Variants in CDH7 observed in about 807,000 individuals in gnomAD.
CDH7 encodes the protein cadherin 7.
Under a neutral mutation model 71.8 loss-of-function variants are expected in CDH7, and 25 were observed. That is an observed-to-expected ratio of 0.35 (90% CI 0.25 to 0.49). CDH7 has a LOEUF of 0.49. Among genes scored for constraint, CDH7 ranks in the 20% least tolerant of loss-of-function variants. The probability of loss-of-function intolerance (pLI) is 0.99; values close to 1 mark genes in which losing one functional copy is unlikely to be tolerated. For missense variants in CDH7, 862 were observed against 974.6 expected (o/e 0.88, Z 1.54); for synonymous variants, 381 against 363.8 (o/e 1.05, Z -0.54).
At chr18:65,872,392 G>T (rs929690159) in intron 11 of CDH7, among the ~76,000 whole-genome samples, 5 of 151,972 alleles carry the variant, frequency 3.3e-5, no homozygotes, top group African/African-American at 4.8e-5. Context: ...TAATATTGAG[G>T]GTATATGAAG....
At chr18:65,764,592 T>G (rs950295722) in intron 2 of CDH7, among the ~76,000 whole-genome samples, 1 of 152,060 alleles carries the variant, frequency 6.6e-6, no homozygotes, top group Non-Finnish European at 1.5e-5. Flanking sequence ...ATTTCATTCA[T>G]TTTTAATGGA....
intron 6 of CDH7, among the ~76,000 whole-genome samples, chr18:65,826,883 T>C (rs1286999649): frequency 1.3e-5 from 2 of 149,368 alleles, no homozygotes; most frequent in African/African-American, 2.5e-5. Context: ...TCGTGTATTG[T>C]TGAAGTTCTT....
chr18:65,830,465 T>A (rs1023325562), intron 6 of CDH7, among the ~76,000 whole-genome samples: 2 of 152,170 alleles, frequency 1.3e-5, no homozygotes, highest in Admixed American at 6.5e-5. Flanking sequence ...ACAATGAATA[T>A]CAATATTTAT....
intron 1 of CDH7, among the ~76,000 whole-genome samples, chr18:65,753,448 T>G (rs760580742): frequency 2.6e-5 from 4 of 152,228 alleles, no homozygotes; most frequent in African/African-American, 4.8e-5. Context: ...ATCACAGTTC[T>G]CTCTCTCTTA....
At chr18:65,838,959 G>A (rs1002311929) in intron 6 of CDH7, among the ~76,000 whole-genome samples, 1 of 152,138 alleles carries the variant, frequency 6.6e-6, no homozygotes, top group East Asian at 1.9e-4. Context: ...TAGTAATACA[G>A]CAAGTATTTA....
chr18:65,794,664 G>T (rs890624072), intron 2 of CDH7, among the ~76,000 whole-genome samples: 1 of 151,854 alleles, frequency 6.6e-6, no homozygotes, highest in Non-Finnish European at 1.5e-5. Flanking sequence ...TGGATTTTTC[G>T]TGTGGGGAAA....
At chr18:65,789,463 A>G (rs1910628642) in intron 2 of CDH7, among the ~76,000 whole-genome samples, 1 of 132,058 alleles carries the variant, frequency 7.6e-6, no homozygotes, top group Non-Finnish European at 1.5e-5. Context: ...TACATGTGCT[A>G]TTTTTTTGTT....
chr18:65,777,408 C>T, intron 2 of CDH7, among the ~76,000 whole-genome samples: 1 of 151,934 alleles, frequency 6.6e-6, no homozygotes. Context: ...CCAGAGTCTC[C>T]AAAAGGAGAT....
At chr18:65,877,053 G>A (rs752503160) in intron 11 of CDH7, among the ~76,000 whole-genome samples, 3 of 152,196 alleles carry the variant, frequency 2.0e-5, no homozygotes, top group South Asian at 4.1e-4. Flanking sequence ...ACAGTGATTA[G>A]CACCAGAGTC....
At chr18:65,790,384 G>A (rs560746916) in intron 2 of CDH7, among the ~76,000 whole-genome samples, 10 of 152,154 alleles carry the variant, frequency 6.6e-5, no homozygotes, top group South Asian at 4.2e-4. Context: ...ATAAAGAAGA[G>A]TAGACTGTAA....
chr18:65,880,161 A>ACAT (rs1169490107), intron 11 of CDH7, among the ~76,000 whole-genome samples: 2 of 152,194 alleles, frequency 1.3e-5, no homozygotes, highest in Non-Finnish European at 2.9e-5. Flanking sequence ...AAAGAGGAAG[A>ACAT]CATCAGTTCT....
At chr18:65,879,837 A>G (rs1914168100) in intron 11 of CDH7, among the ~76,000 whole-genome samples, 1 of 152,178 alleles carries the variant, frequency 6.6e-6, no homozygotes, top group Admixed American at 6.5e-5. Flanking sequence ...TATACATGAA[A>G]GTGGGACTCA....
chr18:65,777,094 T>C (rs1413014904), intron 2 of CDH7, among the ~76,000 whole-genome samples: 1 of 152,084 alleles, frequency 6.6e-6, no homozygotes, highest in Non-Finnish European at 1.5e-5. Context: ...GGTAGGCAGG[T>C]GTTCTAGAAA....
intron 7 of CDH7, among the ~76,000 whole-genome samples, chr18:65,854,425 T>C (rs1475562811): frequency 6.6e-6 from 1 of 152,232 alleles, no homozygotes; most frequent in East Asian, 1.9e-4. Flanking sequence ...TCCTAGGTTA[T>C]AACTAGATCC....
At chr18:65,810,173 ACT>A (rs1262166743) in intron 3 of CDH7, among the ~76,000 whole-genome samples, 175 bp downstream of exon 3, 3 of 152,146 alleles carry the variant, frequency 2.0e-5, no homozygotes, top group Admixed American at 6.5e-5. Context: ...GTATCCATTA[ACT>A]TAACTTATTA....
Position 65,880,617 on chromosome 18 carries a change from G to C in CDH7, c.2081G>C (p.Ser694Thr). The C allele has an allele frequency of 3.1e-6, 5 of 1,613,844 alleles. No homozygotes were observed. The highest frequency in any genetic ancestry group is 4.2e-6 in the Non-Finnish European group (5 of 1,179,972). ...RDVTPEIQFLSRPAFKSIPDN... is the reference protein window; with the variant it reads ...RDVTPEIQFLTRPAFKSIPDN... ...GTGACTCCAGAAATTCAATTCCTGA[G>C]TCGACCAGCTTTTAAAAGCATCCCA... is the stretch of plus-strand genomic sequence containing the variant. The change falls in exon 12 of 12, where the codon AGT becomes ACT. Residue 694 changes from serine to threonine, a missense_variant. Ser to Thr is a moderately conservative substitution (Grantham distance 58). Transcript: ENST00000397968.
In CDH7 at chr18:65,810,008, G is replaced by A; in HGVS notation, c.505+10G>A. On this transcript the variant is annotated intron_variant, in intron 3 of 11. Transcript: ENST00000397968. Reference sequence around the variant, plus strand: ...GAAATGTCTCCCGTGGGTAAGTAAAGAACACTCTGCTTTTGTAGCTTGTGG... The same window carrying A: ...GAAATGTCTCCCGTGGGTAAGTAAAAAACACTCTGCTTTTGTAGCTTGTGG... The A allele has an allele frequency of 1.2e-6, 2 of 1,600,360 alleles. No individual in the cohort carries two copies. Among genetic ancestry groups the A allele is most frequent in the Non-Finnish European group, 8.6e-7 (1 of 1,168,876 alleles).
At chr18:65,878,640 GT>G (rs139877737) in intron 11 of CDH7, among the ~76,000 whole-genome samples, 2,351 of 152,238 alleles carry the variant, frequency 0.015, 55 homozygotes, top group African/African-American at 0.049. Context: ...TTGAACTTAG[GT>G]TGGTGCAAAA....
chr18:65,886,639 G>C lies in CDH7; in HGVS notation c.*5745G>C, dbSNP rs1914381134. 6.6e-6 allele frequency: 1 copy of C among 152,112 alleles called. No individual in the cohort carries two copies. The highest frequency in any genetic ancestry group is 1.5e-5 in the Non-Finnish European group (1 of 68,012). 9.4% of individuals were successfully genotyped at this position (152,112 alleles called of 1,614,324 possible). A position where few individuals can be genotyped will look rare whatever the true frequency, so the allele number is the denominator to read the frequency against. On this transcript the variant is annotated 3_prime_UTR_variant, in exon 12 of 12. Transcript: ENST00000397968. ...AAAGACAATAATGAGTATAAGTTAA[G>C]TGGTCTTCCAGGCATCCAGAGTAGA...
Sources: allele counts gnomAD v4.1 joint callset (sites outside exome capture counted in the v4.1 genomes callset), GRCh38; gene constraint gnomAD v4.1.1; transcripts MANE v1.5; gene names NCBI Gene and HGNC (gene_info 2026-07-23, HGNC 2026-07-21).